GALNT13: variants seen among roughly 807,000 people sequenced by gnomAD.
GALNT13 encodes UDP-GalNAc:polypeptide N-acetylgalactosaminyltransferase 13.
In GALNT13, 28 loss-of-function variants were observed where a neutral mutation model predicts 64.2. That is an observed-to-expected ratio of 0.44 (90% CI 0.32 to 0.60). GALNT13 has a LOEUF of 0.60. Among genes scored for constraint, GALNT13 ranks in the 20% least tolerant of loss-of-function variants. GALNT13 has a pLI of 0.05. For synonymous variants in GALNT13, 214 were observed against 224.6 expected (o/e 0.95, Z 0.42); for missense variants, 577 against 669.8 (o/e 0.86, Z 1.53).
the GALNT13 span, among the ~76,000 whole-genome samples, chr2:153,556,853 T>C: frequency 2.6e-5 from 4 of 152,236 alleles, no homozygotes; most frequent in African/African-American, 9.6e-5. Flanking sequence ...TCTACTTCAC[T>C]GGCCTTATAT....
At chr2:154,421,390 G>T (rs1700243972) in intron 11 of GALNT13, among the ~76,000 whole-genome samples, 1 of 152,016 alleles carries the variant, frequency 6.6e-6, no homozygotes, top group South Asian at 2.1e-4. Flanking sequence ...CAATGTTTTA[G>T]ATATGTCATT....
chr2:153,724,989 A>G, the GALNT13 span, among the ~76,000 whole-genome samples: 1 of 151,628 alleles, frequency 6.6e-6, no homozygotes, highest in Non-Finnish European at 1.5e-5. Flanking sequence ...TCATGCTGCT[A>G]TAGAGACACA....
the GALNT13 span, among the ~76,000 whole-genome samples, chr2:153,579,241 AGGAGT>A: frequency 2.0e-5 from 3 of 152,146 alleles, no homozygotes; most frequent in Admixed American, 6.5e-5. Context: ...AGGGTTGCCC[AGGAGT>A]CTTCTGGCTT....
chr2:154,298,483 ATATATAAAT>A (rs1693081037), intron 8 of GALNT13, among the ~76,000 whole-genome samples: 1 of 90,524 alleles, frequency 1.1e-5, no homozygotes, highest in African/African-American at 3.7e-5. Context: ...TATATAAATT[ATATATAAAT>A]TATATATACA....
At chr2:153,132,462 C>A in the GALNT13 span, among the ~76,000 whole-genome samples, 1 of 152,180 alleles carries the variant, frequency 6.6e-6, no homozygotes, top group East Asian at 1.9e-4. Flanking sequence ...TAGAGACTAC[C>A]CATGTTTTCA....
At chr2:154,359,817 C>T (rs940034598) in intron 9 of GALNT13, among the ~76,000 whole-genome samples, 1 of 152,070 alleles carries the variant, frequency 6.6e-6, no homozygotes, top group African/African-American at 2.4e-5. Context: ...TAAAGGTTTA[C>T]TCAAAATCAA....
intron 7 of GALNT13, among the ~76,000 whole-genome samples, chr2:154,258,784 T>A (rs1031310494): frequency 6.6e-6 from 1 of 151,828 alleles, no homozygotes; most frequent in South Asian, 2.1e-4. Flanking sequence ...AGTGTCACTT[T>A]CATCTATCTA....
intron 11 of GALNT13, among the ~76,000 whole-genome samples, chr2:154,417,207 A>G (rs1180474325): frequency 6.7e-6 from 1 of 149,656 alleles, no homozygotes; most frequent in African/African-American, 2.5e-5. Flanking sequence ...CCCTATCTTC[A>G]TTCCACCTTC....
intron 4 of GALNT13, among the ~76,000 whole-genome samples, chr2:154,197,654 A>G (rs191527908): frequency 1.4e-4 from 21 of 152,166 alleles, no homozygotes; most frequent in African/African-American, 2.2e-4. Context: ...AGAAGAGAAC[A>G]TAAGCTTTGA....
At chr2:154,437,338 C>A in intron 11 of GALNT13, 1 of 241,628 alleles carries the variant, frequency 4.1e-6, no homozygotes, top group Non-Finnish European at 8.1e-6. Flanking sequence ...GGCAACTCTT[C>A]CAAGACTAAC....
chr2:153,746,662 G>A, the GALNT13 span, among the ~76,000 whole-genome samples: 36 of 152,188 alleles, frequency 2.4e-4, no homozygotes, highest in South Asian at 6.4e-3. Context: ...TTTCTGGGCC[G>A]TAGGTTATAC....
chr2:153,145,301 A>T, the GALNT13 span, among the ~76,000 whole-genome samples: 8 of 151,994 alleles, frequency 5.3e-5, no homozygotes, highest in African/African-American at 1.9e-4. Context: ...TTACCTACTA[A>T]TTTTAGCCAA....
At chr2:154,015,761 A>C (rs976832876) in intron 3 of GALNT13, among the ~76,000 whole-genome samples, 2 of 152,314 alleles carry the variant, frequency 1.3e-5, no homozygotes, top group East Asian at 3.9e-4. Flanking sequence ...AGTTGCAATT[A>C]GTTTTCACCC....
chr2:153,235,378 G>A, the GALNT13 span, among the ~76,000 whole-genome samples: 1 of 152,062 alleles, frequency 6.6e-6, no homozygotes, highest in South Asian at 2.1e-4. Context: ...GCTCAAAGGT[G>A]AGACAGCACC....
intron 4 of GALNT13, among the ~76,000 whole-genome samples, chr2:154,161,027 TTA>T (rs1374945511): frequency 2.0e-5 from 3 of 152,174 alleles, no homozygotes; most frequent in African/African-American, 7.2e-5. Context: ...CTTACCACAT[TTA>T]TCTGTTACCG....
chr2:154,308,098 A>G (rs925177484), intron 9 of GALNT13, among the ~76,000 whole-genome samples: 1 of 152,126 alleles, frequency 6.6e-6, no homozygotes, highest in Non-Finnish European at 1.5e-5. Flanking sequence ...GCAGAAACAT[A>G]TTAAAATTAA....
the GALNT13 span, among the ~76,000 whole-genome samples, chr2:153,459,138 A>G: frequency 2.0e-5 from 3 of 152,208 alleles, no homozygotes; most frequent in Non-Finnish European, 4.4e-5. Flanking sequence ...TGTGAGAGGA[A>G]TAACTTCTCT....
chr2:153,644,034 A>C, the GALNT13 span, among the ~76,000 whole-genome samples: 1 of 151,988 alleles, frequency 6.6e-6, no homozygotes. Flanking sequence ...ATTTCTTTTC[A>C]ACACTGCTCA....
At position 154,354,965 on chromosome 2, in the gene GALNT13, C is replaced by T. The variant is rs932832271; in HGVS notation, c.1157-41026C>T. Among the ~76,000 whole-genome samples the T allele has an allele frequency of 6.6e-5, 10 of 152,126 alleles. No individual in the cohort carries two copies. In the East Asian group the frequency reaches 1.9e-3, roughly 29 times the overall value. On this transcript the variant is annotated intron_variant, in intron 9 of 12. Coordinates refer to ENST00000392825, the MANE Select transcript of GALNT13 (RefSeq NM_052917.4). Reference sequence around the variant, plus strand: ...AACTTTCTACCTGACTGGATTTCTGCCATTGCCTGCCATAACCCTTCCCAG... The same window carrying T: ...AACTTTCTACCTGACTGGATTTCTGTCATTGCCTGCCATAACCCTTCCCAG...
Sources: allele counts gnomAD v4.1 joint callset (sites outside exome capture counted in the v4.1 genomes callset), GRCh38; gene constraint gnomAD v4.1.1; transcripts MANE v1.5; gene names NCBI Gene and HGNC (gene_info 2026-07-23, HGNC 2026-07-21).